The following MYH10 variants were observed in gnomAD, a reference collection of about 807,000 sequenced individuals.
MYH10 encodes myosin-10.
Under a neutral mutation model 257.8 loss-of-function variants are expected in MYH10, and 55 were observed. That is an observed-to-expected ratio of 0.21 (90% CI 0.17 to 0.27). The LOEUF is 0.27. MYH10 is among the 10% of genes least tolerant of loss of function. The pLI, the probability that MYH10 is intolerant of heterozygous loss-of-function variation, is 1.00. For missense variants in MYH10, 1,631 were observed against 2,500.6 expected, an observed-to-expected ratio of 0.65 and a Z score of 7.42; for synonymous variants, 854 against 921.7, an observed-to-expected ratio of 0.93 and a Z score of 1.33.
chr17:8,617,117 A>T (rs1346592400), intron 2 of MYH10, among the ~76,000 whole-genome samples: 1 of 152,090 alleles, frequency 6.6e-6, no homozygotes, highest in African/African-American at 2.4e-5. Flanking sequence ...TCAATTCTAG[A>T]TGGAATTGAG....
intron 4 of MYH10, among the ~76,000 whole-genome samples, chr17:8,584,169 A>T (rs773459735): frequency 3.9e-5 from 6 of 152,236 alleles, no homozygotes; most frequent in Non-Finnish European, 5.9e-5. Flanking sequence ...AGCATTAAAC[A>T]GGCGGCTTGC....
intron 3 of MYH10, among the ~76,000 whole-genome samples, chr17:8,596,440 C>T (rs1484696457): frequency 1.3e-5 from 2 of 152,054 alleles, no homozygotes; most frequent in African/African-American, 4.8e-5. Flanking sequence ...GCGTAAGCCA[C>T]TGTGCCTGGC....
chr17:8,539,924 C>A (rs2082246552), intron 14 of MYH10, among the ~76,000 whole-genome samples: 1 of 152,334 alleles, frequency 6.6e-6, no homozygotes, highest in African/African-American at 2.4e-5. Context: ...TCTACCACCA[C>A]AATATTTACA....
chr17:8,588,401 G>A (rs1209493640), intron 4 of MYH10, among the ~76,000 whole-genome samples: 1 of 152,124 alleles, frequency 6.6e-6, no homozygotes, highest in African/African-American at 2.4e-5. Flanking sequence ...CTCCAAACCT[G>A]TTCTTCCTCC....
Position 8,492,355 on chromosome 17 carries a change from T to C in MYH10, c.4613A>G (p.Lys1538Arg). The C allele has an allele frequency of 1.2e-6, 2 of 1,613,850 alleles. No homozygotes were observed. Among genetic ancestry groups the C allele is most frequent in the Non-Finnish European group, 1.7e-6 (2 of 1,180,040 alleles). Residue 1538 changes from lysine to arginine, a missense_variant, in exon 34 of 43, where the codon AAG becomes AGG. Lys to Arg is a conservative substitution (Grantham distance 26, BLOSUM62 2). This residue lies in a region of MYH10 where 463 missense variants were observed against 621.8 expected (regional missense o/e 0.74). Coordinates refer to ENST00000360416, the MANE Select transcript of MYH10 (RefSeq NM_001256012.3). ...EAKEEFERQN[K>R]QLRADMEDLM... ...GTCTTCCATGTCTGCTCGGAGCTGC[T>C]TGTTCTGCCTCTCAAACTCCTCCTT...
At chr17:8,615,287 A>G (rs916536136) in intron 2 of MYH10, among the ~76,000 whole-genome samples, 5 of 152,162 alleles carry the variant, frequency 3.3e-5, no homozygotes, top group Non-Finnish European at 2.9e-5. Context: ...CAAAAAAAAA[A>G]AGAAACACTG....
chr17:8,512,301 G>A (rs1483894612), intron 24 of MYH10, 150 bp downstream of exon 24: 2 of 623,624 alleles, frequency 3.2e-6, no homozygotes, highest in African/African-American at 3.7e-5. Context: ...TGTTTCAAAT[G>A]ATGGTCATCT....
chr17:8,570,809 C>CA lies in MYH10; in HGVS notation c.664-998dup, dbSNP rs1370434207. The stretch of plus-strand genomic sequence containing the variant: ...TGATGCACTCCATCACCATCAAATT[C>CA]AAAAAAAAGAACAAATATATGTCAT... On this transcript the variant is annotated intron_variant, in intron 6 of 42. Coordinates refer to ENST00000360416, the MANE Select transcript of MYH10 (RefSeq NM_001256012.3). Among the ~76,000 whole-genome samples, 6 of 151,804 alleles carry CA rather than the reference C, an allele frequency of 4.0e-5. No homozygotes were observed. In the East Asian group the frequency reaches 5.8e-4, roughly 15 times the overall value.
chr17:8,594,395 A>G (rs1445193322), intron 3 of MYH10, among the ~76,000 whole-genome samples: 1 of 152,224 alleles, frequency 6.6e-6, no homozygotes, highest in Non-Finnish European at 1.5e-5. Context: ...CTACTCATCT[A>G]TTAGAAAGAA....
At chr17:8,511,106 A>C (rs1314022602) in intron 24 of MYH10, 1 of 147,104 alleles carries the variant, frequency 6.8e-6, no homozygotes, top group African/African-American at 2.5e-5. Context: ...TATACGCATA[A>C]AAATTAAAAT....
rs549940486 is a variant in MYH10, at chr17:8,629,529, G to A, written c.-32+1125C>T. The stretch of plus-strand genomic sequence containing the variant: ...TAGTTCCAAACAGGCCTGGCTGGGG[G>A]CCTCCCGCTTCCCAGGGCCGCATCC... On this transcript the variant is annotated intron_variant, in intron 1 of 42. Transcript: ENST00000360416. Among the ~76,000 whole-genome samples the A allele has an allele frequency of 5.8e-4, 89 of 152,162 alleles. No homozygotes were observed. The South Asian group carries it at 0.01, about 17-fold the overall frequency.
chr17:8,534,414 C>T (rs1426328249), intron 16 of MYH10, among the ~76,000 whole-genome samples: 1 of 152,202 alleles, frequency 6.6e-6, no homozygotes, highest in Non-Finnish European at 1.5e-5. Flanking sequence ...CTGACTTGAT[C>T]TGATGGACAC....
chr17:8,602,383 C>T (rs1230221343), intron 3 of MYH10, among the ~76,000 whole-genome samples: 3 of 152,236 alleles, frequency 2.0e-5, no homozygotes, highest in Non-Finnish European at 2.9e-5. Flanking sequence ...GGTCCTTGGT[C>T]AGGCTACTGA....
At chr17:8,482,095 T>A (rs1913916862) in intron 37 of MYH10, among the ~76,000 whole-genome samples, 1 of 152,128 alleles carries the variant, frequency 6.6e-6, no homozygotes. Context: ...TTTGGAAGGA[T>A]GATTTGCCAT....
chr17:8,550,182 C>G (rs1305187040), intron 9 of MYH10, among the ~76,000 whole-genome samples: 1 of 150,766 alleles, frequency 6.6e-6, no homozygotes, highest in South Asian at 2.1e-4. Flanking sequence ...CTCTGCCTGG[C>G]TGCCCAGTCT....
At chr17:8,573,075 A>C (rs2083400017) in intron 6 of MYH10, among the ~76,000 whole-genome samples, 1 of 152,242 alleles carries the variant, frequency 6.6e-6, no homozygotes, top group Admixed American at 6.5e-5. Context: ...TTAGCTATTG[A>C]AATGATTTTT....
chr17:8,606,187 C>G (rs978385873), intron 2 of MYH10, among the ~76,000 whole-genome samples: 2 of 135,728 alleles, frequency 1.5e-5, no homozygotes, highest in African/African-American at 5.4e-5. Context: ...TTTTCCTGAT[C>G]AATACTATCA....
chr17:8,578,246 T>TC lies in MYH10; in HGVS notation c.531-909_531-908insG, dbSNP rs201787515. Among the ~76,000 whole-genome samples the TC allele has an allele frequency of 3.5e-3, 494 of 142,900 alleles. 2 individuals carry two copies. The highest frequency in any genetic ancestry group is 0.01 in the African/African-American group (396 of 38,482). 93.7% of individuals were successfully genotyped at this position (142,900 alleles called of 152,430 possible). A position where few individuals can be genotyped will look rare whatever the true frequency, so the allele number is the denominator to read the frequency against. On this transcript the variant is annotated intron_variant, in intron 4 of 42. Coordinates refer to ENST00000360416, the MANE Select transcript of MYH10 (RefSeq NM_001256012.3). ...TGTTTTGTTTCTTTCTTTCTTTCTT[T>TC]TTTTTTTTTTTTTTGAGACAAAGTC...
rs887395991 is a variant in MYH10 at position 8,616,197 on chromosome 17, C to T, written c.345+6705G>A. ...ACTCGGGAGGCTGAGGTGGGAGGAT[C>T]GCCTGAGCCCAGGAGGTTGAGGCCA... On this transcript the variant is annotated intron_variant, in intron 2 of 42. Transcript: ENST00000360416. Among the ~76,000 whole-genome samples, 4 of 152,044 alleles carry T rather than the reference C, an allele frequency of 2.6e-5. 1 individual carries two copies. The South Asian group carries it at 6.2e-4, about 24-fold the overall frequency.
Sources: allele counts gnomAD v4.1 joint callset (sites outside exome capture counted in the v4.1 genomes callset), GRCh38; gene constraint gnomAD v4.1.1; regional missense constraint gnomAD v4.1.1; transcripts MANE v1.5; gene names NCBI Gene and HGNC (gene_info 2026-07-23, HGNC 2026-07-21).